C8orf34: variants seen among roughly 807,000 people sequenced by gnomAD.
The protein encoded by C8orf34 is chromosome 8 open reading frame 34, also known as uncharacterized protein C8orf34.
In C8orf34, 65 loss-of-function variants were observed where a neutral mutation model predicts 68.3. The observed-to-expected ratio is 0.95, with a 90% confidence interval of 0.78 to 1.17. C8orf34 has a LOEUF of 1.17. Ranked by LOEUF, C8orf34 falls within the 50% of genes most tolerant of loss-of-function variation. The pLI, the probability that C8orf34 is intolerant of heterozygous loss-of-function variation, is 0.00. For synonymous variants in C8orf34, 244 were observed against 241.2 expected, an observed-to-expected ratio of 1.01 and a Z score of -0.11; for missense variants, 664 against 655.4, an observed-to-expected ratio of 1.01 and a Z score of -0.14.
chr8:68,539,486 A>T (rs1815619334), intron 7 of C8orf34, among the ~76,000 whole-genome samples: 1 of 152,224 alleles, frequency 6.6e-6, no homozygotes, highest in South Asian at 2.1e-4. Flanking sequence ...AACTATAGGA[A>T]TCCATTTAAA....
At chr8:68,560,166 A>G (rs192837009) in intron 7 of C8orf34, among the ~76,000 whole-genome samples, 7 of 151,746 alleles carry the variant, frequency 4.6e-5, no homozygotes, top group African/African-American at 1.7e-4. Flanking sequence ...TTTGAATGAA[A>G]CAGTGTCGGA....
chr8:68,380,454 A>T (rs909462852), intron 1 of C8orf34, among the ~76,000 whole-genome samples: 1 of 151,602 alleles, frequency 6.6e-6, no homozygotes, highest in Admixed American at 6.6e-5. Flanking sequence ...GTCATTTTTA[A>T]AAAAGATATT....
At chr8:68,757,008 C>T (rs1822880949) in intron 10 of C8orf34, among the ~76,000 whole-genome samples, 1 of 152,106 alleles carries the variant, frequency 6.6e-6, no homozygotes, top group Non-Finnish European at 1.5e-5. Context: ...TGAATTAAAA[C>T]AATTCCTCCT....
At chr8:68,341,430 C>G (rs2129618030) in intron 1 of C8orf34, among the ~76,000 whole-genome samples, 1 of 152,226 alleles carries the variant, frequency 6.6e-6, no homozygotes, top group Admixed American at 6.5e-5. Flanking sequence ...TTAATGATGT[C>G]ACATATATGG....
chr8:68,527,159 G>A (rs1267740850), intron 6 of C8orf34, among the ~76,000 whole-genome samples: 3 of 152,132 alleles, frequency 2.0e-5, no homozygotes, highest in Non-Finnish European at 4.4e-5. Context: ...AAGAGGAGGC[G>A]TTCACATGTC....
intron 9 of C8orf34, among the ~76,000 whole-genome samples, chr8:68,718,497 C>T (rs1045379458): frequency 2.0e-5 from 3 of 152,076 alleles, no homozygotes; most frequent in African/African-American, 7.2e-5. Context: ...TATTAGTATA[C>T]CTAATCTGCA....
At chr8:68,566,379 T>C (rs1392537729) in intron 7 of C8orf34, among the ~76,000 whole-genome samples, 2 of 152,212 alleles carry the variant, frequency 1.3e-5, no homozygotes, top group Non-Finnish European at 2.9e-5. Flanking sequence ...GTTCTCATCA[T>C]TTAGCTCCCA....
intron 8 of C8orf34, among the ~76,000 whole-genome samples, chr8:68,642,636 G>C (rs970002809): frequency 6.6e-6 from 1 of 152,098 alleles, no homozygotes; most frequent in East Asian, 1.9e-4. Context: ...AGTGCAAAAG[G>C]TTATATTATG....
intron 1 of C8orf34, among the ~76,000 whole-genome samples, chr8:68,410,472 T>C (rs1809398701): frequency 6.6e-6 from 1 of 152,182 alleles, no homozygotes; most frequent in Non-Finnish European, 1.5e-5. Flanking sequence ...TGTGCATAAG[T>C]TATATAAAAA....
At position 68,393,816 on chromosome 8, in the gene C8orf34, T is replaced by A. The variant is rs543027153; in HGVS notation, c.328-45683T>A. 2.5e-4 allele frequency among the ~76,000 whole-genome samples: 38 copies of A among 152,194 alleles called. No individual in the cohort carries two copies. In the South Asian group the frequency reaches 6.4e-3, roughly 26 times the overall value. ...AAATAAGTTGTGAGAGCTTCACAAA[T>A]ACACTCTTGCTTCAGTTTGAAAAAT... On this transcript the variant is annotated intron_variant, in intron 1 of 13. Coordinates refer to ENST00000518698, the MANE Select transcript of C8orf34 (RefSeq NM_052958.4).
intron 11 of C8orf34, among the ~76,000 whole-genome samples, chr8:68,784,402 G>A (rs1254589324): frequency 6.6e-6 from 1 of 152,114 alleles, no homozygotes; most frequent in Non-Finnish European, 1.5e-5. Context: ...GTTGACCTTG[G>A]TCACCTGGCT....
intron 9 of C8orf34, among the ~76,000 whole-genome samples, chr8:68,711,694 T>C (rs188105132): frequency 1.3e-5 from 2 of 152,156 alleles, no homozygotes; most frequent in Admixed American, 6.5e-5. Flanking sequence ...CTGTGTTACA[T>C]GTCCAAACCT....
At chr8:68,817,495 C>A (rs1172846660) in intron 13 of C8orf34, among the ~76,000 whole-genome samples, 1 of 152,058 alleles carries the variant, frequency 6.6e-6, no homozygotes, top group African/African-American at 2.4e-5. Context: ...GAAGCCAATG[C>A]CACACACAAA....
chr8:68,336,431 A>G lies in C8orf34; in HGVS notation c.327+5092A>G, dbSNP rs187237978. 5.0e-3 allele frequency among the ~76,000 whole-genome samples: 766 copies of G among 152,290 alleles called. 4 individuals carry two copies. The highest frequency in any genetic ancestry group is 0.017 in the African/African-American group (712 of 41,542). On this transcript the variant is annotated intron_variant, in intron 1 of 13. Transcript: ENST00000518698. ...AATATATTGAAAAAATATATATTCA[A>G]GTCAGCCTTCTTACTGATGGACATA...
At chr8:68,413,585 A>C (rs1809535401) in intron 1 of C8orf34, among the ~76,000 whole-genome samples, 1 of 152,158 alleles carries the variant, frequency 6.6e-6, no homozygotes, top group South Asian at 2.1e-4. Context: ...TCCCTTGCTC[A>C]TTGTCCCATG....
chr8:68,772,808 TTCTTTCTTTCTG>T (rs887308653), intron 10 of C8orf34, among the ~76,000 whole-genome samples: 3 of 148,850 alleles, frequency 2.0e-5, no homozygotes, highest in African/African-American at 5.1e-5. Context: ...CCTCCTTTCT[TTCTTTCTTTCTG>T]TCTGTCTTTC....
At chr8:68,610,237 G>A (rs1401918478) in intron 7 of C8orf34, among the ~76,000 whole-genome samples, 1 of 152,124 alleles carries the variant, frequency 6.6e-6, no homozygotes, top group East Asian at 1.9e-4. Flanking sequence ...AAGAGCGGAT[G>A]CATGAGAAAT....
At chr8:68,556,773 A>G (rs1816269329) in intron 7 of C8orf34, among the ~76,000 whole-genome samples, 4 of 152,312 alleles carry the variant, frequency 2.6e-5, no homozygotes, top group South Asian at 4.1e-4. Context: ...CATTGGTAGT[A>G]ATGTAGGTTG....
At chr8:68,462,890 G>A (rs1449199865) in intron 3 of C8orf34, among the ~76,000 whole-genome samples, 1 of 152,040 alleles carries the variant, frequency 6.6e-6, no homozygotes, top group Non-Finnish European at 1.5e-5. Flanking sequence ...AACTAGAAAA[G>A]CAAGAGCAAA....
Sources: gnomAD v4.1 joint callset for allele counts (sites outside exome capture counted in the v4.1 genomes callset) on GRCh38, gnomAD v4.1.1 for gene constraint, MANE v1.5 for transcripts, NCBI Gene and HGNC (gene_info 2026-07-23, HGNC 2026-07-21) for gene names.